Variants in DYNC2I1 observed in about 807,000 individuals in gnomAD.
DYNC2I1 encodes cytoplasmic dynein 2 intermediate chain 1.
In DYNC2I1, 89 loss-of-function variants were observed where a neutral mutation model predicts 133.4. The ratio of observed to expected loss-of-function variants is 0.67; its 90% CI spans 0.56 to 0.80. DYNC2I1 has a LOEUF of 0.80. Among genes scored for constraint, DYNC2I1 ranks in the 30% least tolerant of loss-of-function variants. The pLI, the probability that DYNC2I1 is intolerant of heterozygous loss-of-function variation, is 0.00. For missense variants in DYNC2I1, 1,291 were observed against 1,314.5 expected (o/e 0.98, Z 0.28); for synonymous variants, 504 against 484.3 (o/e 1.04, Z -0.54).
chr7:158,947,945 G>A (rs1370234641), downstream of DYNC2I1, among the ~76,000 whole-genome samples: 1 of 152,224 alleles, frequency 6.6e-6, no homozygotes, highest in East Asian at 1.9e-4. Context: ...TAAGCATTGG[G>A]TGTTTTTTGA....
Position 158,937,542 on chromosome 7 carries a change from T to C in DYNC2I1, c.2778+2993T>C, listed in dbSNP as rs538358049. On this transcript the variant is annotated intron_variant, in intron 23 of 24. Transcript: ENST00000407559. ...TTGGGAGGCTAAGGCAGGAGAATGGTGTGAACCTGGGAGGCAGAGCTTGCA... is the reference window on the plus strand; with the variant it reads ...TTGGGAGGCTAAGGCAGGAGAATGGCGTGAACCTGGGAGGCAGAGCTTGCA... 2.0e-5 allele frequency among the ~76,000 whole-genome samples: 3 copies of C among 148,364 alleles called. No individual in the cohort carries two copies. The South Asian group carries it at 6.3e-4, about 31-fold the overall frequency.
chr7:158,855,259 G>A (rs1841156799), upstream of DYNC2I1, among the ~76,000 whole-genome samples: 3 of 152,152 alleles, frequency 2.0e-5, no homozygotes, highest in Admixed American at 2.0e-4. Flanking sequence ...AGCCAGGAGT[G>A]CTGATTGGTC....
chr7:158,907,273 CTTTTTTTTTTT>C (rs36062364), intron 11 of DYNC2I1, among the ~76,000 whole-genome samples: 2 of 99,746 alleles, frequency 2.0e-5, no homozygotes, highest in East Asian at 3.1e-4. Context: ...CCATGGCCTT[CTTTTTTTTTTT>C]TTTTTTTTTT....
At chr7:158,911,100 G>A (rs1447591304) in intron 11 of DYNC2I1, among the ~76,000 whole-genome samples, 1 of 152,210 alleles carries the variant, frequency 6.6e-6, no homozygotes, top group Non-Finnish European at 1.5e-5. Flanking sequence ...AAGCACAGAG[G>A]TTGGCTGTGG....
At chr7:158,865,827 C>A (rs1451879718) in intron 1 of DYNC2I1, among the ~76,000 whole-genome samples, 1 of 152,104 alleles carries the variant, frequency 6.6e-6, no homozygotes, top group Non-Finnish European at 1.5e-5. Context: ...TTACATGTGG[C>A]AAGTGGGGAC....
rs971767556 is a variant in DYNC2I1 at position 158,911,493 on chromosome 7, C to T, written c.1461-57C>T. On this transcript the variant is annotated intron_variant, in intron 11 of 24. Transcript: ENST00000407559. ...TAAGTTTACTTCTGTTCTCCCTACA[C>T]TTCCCCACGTATATTATTCGAGTTA... is the stretch of plus-strand genomic sequence containing the variant. The T allele has an allele frequency of 1.9e-6, 3 of 1,577,836 alleles. No homozygotes were observed. In the African/African-American group the frequency reaches 4.1e-5, roughly 21 times the overall value.
chr7:158,858,305 A>G (rs1257538888), intron 1 of DYNC2I1, among the ~76,000 whole-genome samples: 1 of 152,230 alleles, frequency 6.6e-6, no homozygotes, highest in Non-Finnish European at 1.5e-5. Context: ...CTATAACATC[A>G]TGGTTATATA....
chr7:158,883,820 C>T (rs1231758695), intron 5 of DYNC2I1, among the ~76,000 whole-genome samples: 2 of 149,086 alleles, frequency 1.3e-5, no homozygotes, highest in African/African-American at 2.5e-5. Flanking sequence ...CCCGCCACCA[C>T]ACCCGGCTAA....
downstream of DYNC2I1, among the ~76,000 whole-genome samples, chr7:158,957,198 T>C (rs1344784193): frequency 1.3e-5 from 2 of 151,938 alleles, no homozygotes; most frequent in Non-Finnish European, 2.9e-5. Flanking sequence ...AAATGCATGT[T>C]CTTCTTCTTT....
intron 7 of DYNC2I1, among the ~76,000 whole-genome samples, chr7:158,890,007 A>G (rs1845042622): frequency 8.1e-6 from 1 of 123,844 alleles, no homozygotes; most frequent in Admixed American, 7.5e-5. Context: ...CTCCTTCTCA[A>G]AAAAAAAAAA....
In DYNC2I1 at chr7:158,913,027, C is replaced by G. The variant is rs773899470; in HGVS notation, c.1633C>G (p.Gln545Glu). Residue 545 changes from glutamine to glutamate, a missense_variant, in exon 13 of 25, where the codon CAA (glutamine) becomes GAA (glutamate). Coordinates refer to ENST00000407559, the MANE Select transcript of DYNC2I1 (RefSeq NM_018051.5). ...CNEDNVERDI[Q>E]TEEIETREVW... ...CGAAGATAATGTTGAAAGAGACATT[C>G]AAACGGAGGAAATAGAGACCAGGGA... 19 of 1,613,326 alleles carry G rather than the reference C, an allele frequency of 1.2e-5. No individual in the cohort carries two copies. The highest frequency in any genetic ancestry group is 1.6e-5 in the Non-Finnish European group (19 of 1,179,606).
chr7:158,871,644 C>T, intron 3 of DYNC2I1, 82 bp downstream of exon 3: 1 of 1,378,022 alleles, frequency 7.3e-7, no homozygotes, highest in South Asian at 1.5e-5. Flanking sequence ...CGCTGCCTCC[C>T]CTCCCTCTCT....
chr7:158,930,035 G>T (rs1466272727), intron 20 of DYNC2I1, among the ~76,000 whole-genome samples: 4 of 152,176 alleles, frequency 2.6e-5, no homozygotes, highest in African/African-American at 4.8e-5. Flanking sequence ...TGAGTCTCTG[G>T]GATGGTGGAG....
At chr7:158,920,140 CCGTCAGAGAA>C in intron 15 of DYNC2I1, among the ~76,000 whole-genome samples, 1 of 151,566 alleles carries the variant, frequency 6.6e-6, no homozygotes, top group African/African-American at 2.4e-5. Flanking sequence ...CGTGTGGCCT[CCGTCAGAGAA>C]CATGTGAAGT....
At chr7:158,934,724 C>T (rs1850577320) in intron 23 of DYNC2I1, among the ~76,000 whole-genome samples, 175 bp downstream of exon 23, 1 of 152,132 alleles carries the variant, frequency 6.6e-6, no homozygotes, top group South Asian at 2.1e-4. Flanking sequence ...GGGACCTGTA[C>T]AGGTGCATGC....
chr7:158,912,412 C>G (rs528381976), intron 12 of DYNC2I1, among the ~76,000 whole-genome samples: 1 of 152,092 alleles, frequency 6.6e-6, no homozygotes, highest in African/African-American at 2.4e-5. Flanking sequence ...AGGAAGGTCA[C>G]GGGATGAAGC....
chr7:158,912,017 C>G (rs1002325116), intron 12 of DYNC2I1, among the ~76,000 whole-genome samples: 1 of 152,140 alleles, frequency 6.6e-6, no homozygotes, highest in Non-Finnish European at 1.5e-5. Context: ...CTCTGTCGCC[C>G]AGGCCAGAGT....
chr7:158,885,401 G>A (rs1844499462), intron 6 of DYNC2I1, among the ~76,000 whole-genome samples: 1 of 151,742 alleles, frequency 6.6e-6, no homozygotes, highest in African/African-American at 2.4e-5. Context: ...GAGTGCAGTG[G>A]CGCAATCTCG....
At chr7:158,896,795 T>C (rs1845798115) in intron 8 of DYNC2I1, among the ~76,000 whole-genome samples, 1 of 151,674 alleles carries the variant, frequency 6.6e-6, no homozygotes, top group African/African-American at 2.4e-5. Context: ...TTGTATACAT[T>C]GTTGGCTTTG....
Sources: gnomAD v4.1 joint callset for allele counts (sites outside exome capture counted in the v4.1 genomes callset) on GRCh38, gnomAD v4.1.1 for gene constraint, MANE v1.5 for transcripts, NCBI Gene and HGNC (gene_info 2026-07-23, HGNC 2026-07-21) for gene names.